LINGO2: variants seen among roughly 807,000 people sequenced by gnomAD.
LINGO2 encodes the protein leucine rich repeat and Ig domain containing 2, also known as leucine-rich repeat and immunoglobulin-like domain-containing nogo receptor-interacting protein 2.
Under a neutral mutation model 30.6 loss-of-function variants are expected in LINGO2, and 14 were observed. The ratio of observed to expected loss-of-function variants is 0.46; its 90% CI spans 0.30 to 0.72. The LOEUF (loss-of-function observed/expected upper bound fraction) is 0.72. Ranked by LOEUF, LINGO2 falls within the 30% of genes least tolerant of loss-of-function variation. LINGO2 has a pLI of 0.07. For synonymous variants in LINGO2, 317 were observed against 288.5 expected (o/e 1.10, Z -1.00); for missense variants, 729 against 751.7 (o/e 0.97, Z 0.35).
chr9:28,419,698 C>A (rs1823110063), intron 2 of LINGO2, among the ~76,000 whole-genome samples: 1 of 151,726 alleles, frequency 6.6e-6, no homozygotes, highest in South Asian at 2.1e-4. Flanking sequence ...GCCTTAAGAC[C>A]AATGACATTC....
At chr9:28,680,677 G>A in the LINGO2 span, among the ~76,000 whole-genome samples, 2 of 152,028 alleles carry the variant, frequency 1.3e-5, no homozygotes, top group African/African-American at 4.8e-5. Flanking sequence ...CAGGTGTGAG[G>A]TGTTAGCTCA....
At chr9:28,040,511 C>G (rs952240364) in intron 4 of LINGO2, among the ~76,000 whole-genome samples, 1 of 78,600 alleles carries the variant, frequency 1.3e-5, no homozygotes, top group African/African-American at 3.4e-5. Flanking sequence ...TCTTTCCCCT[C>G]GAAAGGTTCA....
the LINGO2 span, among the ~76,000 whole-genome samples, chr9:28,745,838 A>G: frequency 1.3e-5 from 2 of 152,054 alleles, no homozygotes; most frequent in Non-Finnish European, 2.9e-5. Flanking sequence ...CCTATACTAT[A>G]TCATTTCATA....
chr9:28,480,236 G>A (rs999462786), intron 1 of LINGO2, among the ~76,000 whole-genome samples: 1 of 151,590 alleles, frequency 6.6e-6, no homozygotes, highest in Non-Finnish European at 1.5e-5. Flanking sequence ...ATAAGAGCTG[G>A]TCAGTTCATT....
intron 4 of LINGO2, among the ~76,000 whole-genome samples, chr9:28,103,500 T>C (rs1468534516): frequency 6.6e-6 from 1 of 152,134 alleles, no homozygotes; most frequent in African/African-American, 2.4e-5. Context: ...CCAGGTTAGC[T>C]TGCTGGAAGA....
At chr9:29,177,359 G>A in the LINGO2 span, among the ~76,000 whole-genome samples, 1 of 152,210 alleles carries the variant, frequency 6.6e-6, no homozygotes, top group Non-Finnish European at 1.5e-5. Flanking sequence ...GTTTAGAGAA[G>A]TTAATGTGCT....
At chr9:28,381,777 T>A (rs1464392778) in intron 2 of LINGO2, among the ~76,000 whole-genome samples, 1 of 152,066 alleles carries the variant, frequency 6.6e-6, no homozygotes, top group East Asian at 1.9e-4. Context: ...TTGACCCAGA[T>A]GGTCATTTAT....
chr9:28,827,809 A>G, the LINGO2 span, among the ~76,000 whole-genome samples: 1 of 152,184 alleles, frequency 6.6e-6, no homozygotes, highest in Non-Finnish European at 1.5e-5. Flanking sequence ...TGTGGCTTAA[A>G]GATAATGGAA....
At chr9:28,024,713 A>C (rs944649) in intron 4 of LINGO2, among the ~76,000 whole-genome samples, 150,851 of 152,256 alleles carry the variant, frequency 0.99, 74,752 homozygotes, top group Middle Eastern at 1. Context: ...AAGTCATTGC[A>C]TCTTCATGGA....
chr9:28,663,814 T>G (rs1193764991), intron 1 of LINGO2, among the ~76,000 whole-genome samples: 1 of 152,136 alleles, frequency 6.6e-6, no homozygotes, highest in Non-Finnish European at 1.5e-5. Context: ...TGACAAGTCT[T>G]GCACTGCTGA....
chr9:28,079,224 C>T (rs1825708656), intron 4 of LINGO2, among the ~76,000 whole-genome samples: 1 of 152,108 alleles, frequency 6.6e-6, no homozygotes, highest in South Asian at 2.1e-4. Context: ...GAAAATCTAG[C>T]ACTTGAATAT....
At chr9:28,209,334 A>C (rs887506938) in intron 4 of LINGO2, among the ~76,000 whole-genome samples, 2 of 151,916 alleles carry the variant, frequency 1.3e-5, no homozygotes, top group Non-Finnish European at 2.9e-5. Flanking sequence ...TTCTGTCTCC[A>C]TTGGAGTCAT....
the LINGO2 span, among the ~76,000 whole-genome samples, chr9:29,004,498 G>A: frequency 1.3e-5 from 2 of 151,774 alleles, no homozygotes; most frequent in South Asian, 4.1e-4. Context: ...ATCATGCTTT[G>A]TATAGTCTAC....
the LINGO2 span, among the ~76,000 whole-genome samples, chr9:29,093,464 T>C: frequency 4.4e-5 from 6 of 134,852 alleles, 2 homozygotes; most frequent in Non-Finnish European, 9.6e-5. Flanking sequence ...TAAAACACTT[T>C]CCCATATACT....
intron 1 of LINGO2, among the ~76,000 whole-genome samples, chr9:28,632,045 A>G (rs1423913009): frequency 6.6e-6 from 1 of 152,150 alleles, no homozygotes. Flanking sequence ...CCAGTGTTGC[A>G]GGAGGGAGTG....
At chr9:28,013,008 A>G (rs931642917) in intron 4 of LINGO2, among the ~76,000 whole-genome samples, 2 of 151,992 alleles carry the variant, frequency 1.3e-5, no homozygotes, top group African/African-American at 4.8e-5. Flanking sequence ...TTTTTCTAAC[A>G]ACTTCTCCAG....
intron 3 of LINGO2, among the ~76,000 whole-genome samples, chr9:28,296,327 T>A (rs1200788117): frequency 6.6e-6 from 1 of 152,170 alleles, no homozygotes; most frequent in African/African-American, 2.4e-5. Flanking sequence ...AGATTTTTTA[T>A]AACTATAACA....
chr9:28,814,410 C>T, the LINGO2 span, among the ~76,000 whole-genome samples: 228 of 152,060 alleles, frequency 1.5e-3, no homozygotes, highest in Non-Finnish European at 2.4e-3. Context: ...GCACTCCAGC[C>T]GGGCGACAGA....
the LINGO2 span, among the ~76,000 whole-genome samples, chr9:29,102,302 C>T: frequency 5.3e-5 from 8 of 152,044 alleles, no homozygotes; most frequent in Admixed American, 1.3e-4. Flanking sequence ...AGTATGGTCT[C>T]GATCTCCTGA....
Sources: allele counts gnomAD v4.1 joint callset (sites outside exome capture counted in the v4.1 genomes callset), GRCh38; gene constraint gnomAD v4.1.1; transcripts MANE v1.5; gene names NCBI Gene and HGNC (gene_info 2026-07-23, HGNC 2026-07-21).